OR8B8: variants seen among roughly 807,000 people sequenced by gnomAD.
The protein encoded by OR8B8 is olfactory receptor 8B8.
A neutral mutation model predicts 10.5 loss-of-function variants in OR8B8; 8 were observed. The ratio of observed to expected loss-of-function variants is 0.76; its 90% CI spans 0.45 to 1.38. The LOEUF (loss-of-function observed/expected upper bound fraction) is 1.38, where lower values mean the gene tolerates loss of function less well. Among genes scored for constraint, OR8B8 ranks in the 40% most tolerant of loss-of-function variants. The pLI is 0.00. For missense variants in OR8B8, 390 were observed against 380.5 expected, an observed-to-expected ratio of 1.03 and a Z score of -0.21; for synonymous variants, 150 against 145.2, an observed-to-expected ratio of 1.03 and a Z score of -0.24.
rs1383878537 is a variant in OR8B8 at position 124,438,054 on chromosome 11, G to A, written c.*2096C>T. 3 of 152,170 alleles carry A rather than the reference G, an allele frequency of 2.0e-5. No homozygotes were observed. The highest frequency in any genetic ancestry group is 6.5e-5 in the Admixed American group (1 of 15,278). 9.4% of individuals were successfully genotyped at this position (152,170 alleles called of 1,614,324 possible). A position where few individuals can be genotyped will look rare whatever the true frequency, so the allele number is the denominator to read the frequency against. On this transcript the variant is annotated 3_prime_UTR_variant, in exon 3 of 3. Coordinates refer to ENST00000642064, the MANE Select transcript of OR8B8 (RefSeq NM_012378.2). Reference sequence around the variant, plus strand: ...AAAGGAAAAGGATCTGGCAGGGACAGAAACAAATTTACCGAGAATCTGGCA... The same window carrying A: ...AAAGGAAAAGGATCTGGCAGGGACAAAAACAAATTTACCGAGAATCTGGCA...
intron 1 of OR8B8, among the ~76,000 whole-genome samples, chr11:124,442,175 T>C (rs1260750836): frequency 6.6e-6 from 1 of 152,214 alleles, no homozygotes; most frequent in Non-Finnish European, 1.5e-5. Flanking sequence ...TTTATCACCC[T>C]CATTTTAGAG....
rs573724783 is a variant in OR8B8 at position 124,443,346 on chromosome 11, G to A, written c.-152-1723C>T. ...GAACGTCATGACAGGAATTACGTAT[G>A]CAATGTGAATCCATGGAATATATTG... On this transcript the variant is annotated intron_variant, in intron 1 of 2. Transcript: ENST00000642064. Among the ~76,000 whole-genome samples the A allele has an allele frequency of 3.3e-5, 5 of 152,322 alleles. No individual in the cohort carries two copies. The East Asian group carries it at 9.6e-4, about 29-fold the overall frequency.
chr11:124,440,427 A>G lies in OR8B8; in HGVS notation c.659T>C (p.Leu220Pro). ...PTVTIFISYALILSSIFHIDS... is the reference protein window; with the variant it reads ...PTVTIFISYAPILSSIFHIDS... ...AATGTGGAAGATGCTGGAGAGAATG[A>G]GAGCATAGGAAATGAAGATGGTGAC... The change falls in exon 3 of 3, where the codon CTC (leucine) becomes CCC (proline). Residue 220 changes from leucine (L) to proline (P), a missense_variant. Coordinates refer to ENST00000642064, the MANE Select transcript of OR8B8 (RefSeq NM_012378.2). 1 of 1,614,234 alleles carries G rather than the reference A, an allele frequency of 6.2e-7. No homozygotes were observed. Among genetic ancestry groups the G allele is most frequent in the Non-Finnish European group, 8.5e-7 (1 of 1,180,042 alleles).
In OR8B8 at chr11:124,438,475, T is replaced by C. The variant is rs909594610; in HGVS notation, c.*1675A>G. ...TTTCACAGCATTTCACATATCATTG[T>C]TTCACAAAGAAATCTACTATTTATA... On this transcript the variant is annotated 3_prime_UTR_variant, in exon 3 of 3. Transcript: ENST00000642064. 6.6e-6 allele frequency: 1 copy of C among 152,208 alleles called. No homozygotes were observed. The highest frequency in any genetic ancestry group is 2.4e-5 in the African/African-American group (1 of 41,440). The allele number at this position is 152,208 out of a possible 1,614,324, so 9.4% of individuals were successfully genotyped here.
At chr11:124,441,226 G>GCCCC in intron 2 of OR8B8, 125 bp from the exon 3 acceptor site, 1 of 669,674 alleles carries the variant, frequency 1.5e-6, no homozygotes, top group Non-Finnish European at 2.5e-6. Context: ...AGCAGAGGGG[G>GCCCC]CTTTGCTGCG....
chr11:124,444,634 A>G (rs959819960), intron 1 of OR8B8, among the ~76,000 whole-genome samples: 3 of 152,200 alleles, frequency 2.0e-5, no homozygotes, highest in African/African-American at 7.2e-5. Context: ...CTCCTCATCT[A>G]TAAAATGGGG....
In OR8B8 at chr11:124,440,309, G is replaced by A; in HGVS notation, c.777C>T (p.Tyr259=). 3 of 1,614,188 alleles carry A rather than the reference G, an allele frequency of 1.9e-6. No homozygotes were observed. Among genetic ancestry groups the A allele is most frequent in the Non-Finnish European group, 8.5e-7 (1 of 1,180,034 alleles). Residue 259 remains tyrosine (Y), a synonymous_variant, in exon 3 of 3, where the codon TAC becomes TAT. Transcript: ENST00000642064. The stretch of plus-strand genomic sequence containing the variant: ...TAGCTAAAAGAGAAAAGGGTTTGAG[G>A]TACATGAATGCTCCTGACCCAAAGA... ...SLFFGSGAFM[Y]LKPFSLLAMN... is the part of the protein sequence containing the mutation.
chr11:124,441,144 C>G (rs1179712311), intron 2 of OR8B8, 43 bp from the exon 3 acceptor site: 1 of 1,154,420 alleles, frequency 8.7e-7, no homozygotes, highest in Non-Finnish European at 1.2e-6. Flanking sequence ...GAGAGAGAGA[C>G]CACTGCTGCC....
intron 2 of OR8B8, 94 bp from the exon 3 acceptor site, chr11:124,441,195 C>T (rs1861472123): frequency 1.2e-5 from 10 of 823,136 alleles, no homozygotes; most frequent in Non-Finnish European, 1.9e-6. Context: ...ATAGGAGGCA[C>T]ACAGAGAGAT....
chr11:124,438,800 C>A lies in OR8B8; in HGVS notation c.*1350G>T, dbSNP rs1861431252. On this transcript the variant is annotated 3_prime_UTR_variant, in exon 3 of 3. Coordinates refer to ENST00000642064, the MANE Select transcript of OR8B8 (RefSeq NM_012378.2). ...TGGCATGAAGAGACGAGGGAGGGGG[C>A]AGTTATTATAACCCAGTAAGAAATG... The A allele has an allele frequency of 1.3e-5, 2 of 152,218 alleles. No individual in the cohort carries two copies. The highest frequency in any genetic ancestry group is 1.3e-4 in the Admixed American group (2 of 15,280). 9.4% of individuals were successfully genotyped at this position (152,218 alleles called of 1,614,324 possible). A position where few individuals can be genotyped will look rare whatever the true frequency, so the allele number is the denominator to read the frequency against.
intron 1 of OR8B8, among the ~76,000 whole-genome samples, chr11:124,443,887 C>T (rs1482480984): frequency 6.6e-6 from 1 of 151,808 alleles, no homozygotes; most frequent in Admixed American, 6.6e-5. Context: ...TCTGAGAATC[C>T]ATTCAGCCAT....
intron 1 of OR8B8, among the ~76,000 whole-genome samples, chr11:124,443,281 C>T (rs142801637): frequency 6.6e-6 from 1 of 152,260 alleles, no homozygotes; most frequent in African/African-American, 2.4e-5. Flanking sequence ...TGTGCATCAA[C>T]CCTGGAATAG....
rs1312562335 is a variant in OR8B8 at position 124,438,196 on chromosome 11, G to C, written c.*1954C>G. ...TGAGGAGAAGCTCAGGTTCAAATTT[G>C]ATTCTACCATCCAACTCTCTGGGCT... On this transcript the variant is annotated 3_prime_UTR_variant, in exon 3 of 3. Transcript: ENST00000642064. 6.6e-6 allele frequency: 1 copy of C among 152,176 alleles called. No homozygotes were observed. The highest frequency in any genetic ancestry group is 2.4e-5 in the African/African-American group (1 of 41,448). 9.4% of individuals were successfully genotyped at this position (152,176 alleles called of 1,614,324 possible).
intron 1 of OR8B8, among the ~76,000 whole-genome samples, chr11:124,443,332 C>T (rs190858245): frequency 7.9e-5 from 12 of 152,230 alleles, no homozygotes; most frequent in Admixed American, 7.8e-4. Flanking sequence ...AACGTCATGA[C>T]AGGAATTACG....
chr11:124,442,514 G>T (rs1861485275), intron 1 of OR8B8, among the ~76,000 whole-genome samples: 1 of 152,164 alleles, frequency 6.6e-6, no homozygotes, highest in Non-Finnish European at 1.5e-5. Flanking sequence ...AAACCAATCT[G>T]TCTTTTCTTG....
intron 2 of OR8B8, 60 bp downstream of exon 2, chr11:124,441,428 G>C (rs1861475031): frequency 3.3e-6 from 1 of 302,498 alleles, no homozygotes. Flanking sequence ...TGGAGAGTTA[G>C]GGTTAGGGTC....
In OR8B8 at chr11:124,440,729, C is replaced by T. The variant is rs140861308; in HGVS notation, c.357G>A (p.Ala119=). The T allele has an allele frequency of 9.1e-4, 1,471 of 1,614,056 alleles. 1 individual carries two copies. Among genetic ancestry groups the T allele is most frequent in the Non-Finnish European group, 1.2e-3 (1,367 of 1,180,006 alleles). ...TACAGATGGCCACATAGCGGTCATA[C>T]GCCATTGCTGACAGGATGAAGGACT... The part of the protein sequence containing the change: ...VSESFILSAM[A]YDRYVAICNP... The change falls in exon 3 of 3, where the codon GCG becomes GCA. Residue 119 remains alanine, a synonymous_variant. Coordinates refer to ENST00000642064, the MANE Select transcript of OR8B8 (RefSeq NM_012378.2).
rs141141481 is a variant in OR8B8, at chr11:124,439,672, A to C, written c.*478T>G. The C allele has an allele frequency of 1.7e-3, 267 of 157,706 alleles. No homozygotes were observed. The highest frequency in any genetic ancestry group is 3.8e-3 in the African/African-American group (157 of 41,614). 9.8% of individuals were successfully genotyped at this position (157,706 alleles called of 1,614,324 possible). A position where few individuals can be genotyped will look rare whatever the true frequency, so the allele number is the denominator to read the frequency against. On this transcript the variant is annotated 3_prime_UTR_variant, in exon 3 of 3. Transcript: ENST00000642064. ...TTGGCCAAGGCCATCTCAACAAAAAATTCTATATACTTCCTACCTACTTGC... is the reference window on the plus strand; with the variant it reads ...TTGGCCAAGGCCATCTCAACAAAAACTTCTATATACTTCCTACCTACTTGC...
At chr11:124,444,482 T>G (rs942900172) in intron 1 of OR8B8, among the ~76,000 whole-genome samples, 2 of 152,212 alleles carry the variant, frequency 1.3e-5, no homozygotes, top group African/African-American at 4.8e-5. Context: ...TGTTCTTAGA[T>G]CTCTTGCAGC....
Sources: allele counts gnomAD v4.1 joint callset (sites outside exome capture counted in the v4.1 genomes callset), GRCh38; gene constraint gnomAD v4.1.1; transcripts MANE v1.5; gene names NCBI Gene and HGNC (gene_info 2026-07-23, HGNC 2026-07-21).